Variants in SLC13A1 observed in about 807,000 individuals in gnomAD.
The protein encoded by SLC13A1 is Na(+)/sulfate cotransporter.
A neutral mutation model predicts 70.0 loss-of-function variants in SLC13A1; 65 were observed. The observed-to-expected ratio is 0.93, with a 90% CI of 0.76 to 1.14. The LOEUF (loss-of-function observed/expected upper bound fraction) is 1.14. Ranked by LOEUF, SLC13A1 falls within the 50% of genes most tolerant of loss-of-function variation. The pLI is 0.00. For synonymous variants in SLC13A1, 275 were observed against 250.5 expected (o/e 1.10, Z -0.92); for missense variants, 726 against 717.8 (o/e 1.01, Z -0.13).
chr7:123,150,472 T>C (rs945113157), intron 6 of SLC13A1, among the ~76,000 whole-genome samples: 2 of 152,138 alleles, frequency 1.3e-5, no homozygotes, highest in African/African-American at 4.8e-5. Flanking sequence ...GAGCCATCCT[T>C]ACAGAAGAAA....
intron 14 of SLC13A1, among the ~76,000 whole-genome samples, chr7:123,117,132 ATT>A (rs1563314339): frequency 6.6e-6 from 1 of 151,872 alleles, no homozygotes. Flanking sequence ...CTTTAACCCT[ATT>A]TTTTCCTTTT....
chr7:123,122,160 T>G (rs74748428), intron 12 of SLC13A1, among the ~76,000 whole-genome samples: 3 of 152,102 alleles, frequency 2.0e-5, no homozygotes, highest in Non-Finnish European at 4.4e-5. Flanking sequence ...CACATAACTC[T>G]GTGCAGAAAA....
At chr7:123,162,071 G>A (rs1794931964) in intron 6 of SLC13A1, among the ~76,000 whole-genome samples, 1 of 148,756 alleles carries the variant, frequency 6.7e-6, no homozygotes, top group African/African-American at 2.5e-5. Context: ...ATGCATAGGA[G>A]AACACTGTTG....
chr7:123,176,876 G>T (rs1470632053), intron 2 of SLC13A1, among the ~76,000 whole-genome samples: 1 of 152,046 alleles, frequency 6.6e-6, no homozygotes, highest in Non-Finnish European at 1.5e-5. Context: ...TAGCTATGCA[G>T]AGGTCAGTTC....
At chr7:123,159,681 G>T (rs1289685728) in intron 6 of SLC13A1, among the ~76,000 whole-genome samples, 1 of 152,054 alleles carries the variant, frequency 6.6e-6, no homozygotes, top group Non-Finnish European at 1.5e-5. Flanking sequence ...TGTGTGTGTA[G>T]CGTGAAATAA....
chr7:123,132,325 C>T (rs140330534), intron 8 of SLC13A1, among the ~76,000 whole-genome samples: 2 of 151,960 alleles, frequency 1.3e-5, no homozygotes, highest in African/African-American at 2.4e-5. Flanking sequence ...AGGCATGGAA[C>T]CCATGGCCAC....
At chr7:123,177,645 CTCT>C (rs1230964548) in intron 2 of SLC13A1, among the ~76,000 whole-genome samples, 1 of 152,028 alleles carries the variant, frequency 6.6e-6, no homozygotes, top group Non-Finnish European at 1.5e-5. Flanking sequence ...TGGGTGTTAC[CTCT>C]TCTGCAATAG....
rs28364173 is a variant in SLC13A1 at position 123,199,712 on chromosome 7, C to A, written c.99+136G>T. On this transcript the variant is annotated intron_variant, in intron 1 of 14. Coordinates refer to ENST00000194130, the MANE Select transcript of SLC13A1 (RefSeq NM_022444.4). ...GAGAAAATGGCCAAAACATCATGTA[C>A]AACCATCCTGACTTTAGGTATGAAG... is the stretch of plus-strand genomic sequence containing the variant. 1,836 of 628,108 alleles carry A rather than the reference C, an allele frequency of 2.9e-3. 34 individuals are homozygous for A. The African/African-American group carries it at 0.03, about 10-fold the overall frequency. The allele number at this position is 628,108 out of a possible 1,614,324, so 38.9% of individuals were successfully genotyped here.
chr7:123,149,793 C>G (rs749391096), intron 6 of SLC13A1, among the ~76,000 whole-genome samples: 1 of 152,166 alleles, frequency 6.6e-6, no homozygotes, highest in Non-Finnish European at 1.5e-5. Flanking sequence ...CCTTCAACTG[C>G]ACTGGCAAAT....
At chr7:123,146,774 C>T (rs998167797) in intron 7 of SLC13A1, among the ~76,000 whole-genome samples, 1 of 152,150 alleles carries the variant, frequency 6.6e-6, no homozygotes, top group Admixed American at 6.5e-5. Context: ...CTCTGTTCAC[C>T]ATTCATTACT....
chr7:123,182,503 C>T (rs1795671084), intron 1 of SLC13A1, among the ~76,000 whole-genome samples: 1 of 152,102 alleles, frequency 6.6e-6, no homozygotes, highest in Non-Finnish European at 1.5e-5. Context: ...CAAGACTATT[C>T]CAATATCAGG....
chr7:123,153,952 C>T (rs1794638286), intron 6 of SLC13A1, among the ~76,000 whole-genome samples: 1 of 151,910 alleles, frequency 6.6e-6, no homozygotes, highest in African/African-American at 2.4e-5. Context: ...GTATCTTCCA[C>T]CTTCTTGATA....
intron 5 of SLC13A1, 25 bp from the exon 6 acceptor site, chr7:123,168,447 TA>T: frequency 6.3e-7 from 1 of 1,584,294 alleles, no homozygotes; most frequent in Non-Finnish European, 8.6e-7. Flanking sequence ...GATCCAGTTA[TA>T]ATTTTATTAA....
intron 6 of SLC13A1, among the ~76,000 whole-genome samples, chr7:123,164,244 T>C (rs1795003180): frequency 6.6e-6 from 1 of 151,966 alleles, no homozygotes. Context: ...GTCTGCTAAA[T>C]ACAGAATTTA....
chr7:123,130,291 A>G (rs1793711062), intron 8 of SLC13A1, among the ~76,000 whole-genome samples: 1 of 152,204 alleles, frequency 6.6e-6, no homozygotes, highest in South Asian at 2.1e-4. Context: ...ACTATTCACA[A>G]TAGCAAAGAC....
chr7:123,149,892 C>A (rs575603607), intron 6 of SLC13A1, among the ~76,000 whole-genome samples: 1 of 152,126 alleles, frequency 6.6e-6, no homozygotes, highest in Non-Finnish European at 1.5e-5. Context: ...CCATGGTACA[C>A]CATTTCAATA....
intron 6 of SLC13A1, among the ~76,000 whole-genome samples, chr7:123,163,321 G>A (rs1336444874): frequency 1.3e-5 from 2 of 152,000 alleles, no homozygotes; most frequent in African/African-American, 4.8e-5. Flanking sequence ...GGGATTTATG[G>A]GCTTGGTAAC....
At chr7:123,159,590 C>T (rs1234522516) in intron 6 of SLC13A1, among the ~76,000 whole-genome samples, 1 of 152,092 alleles carries the variant, frequency 6.6e-6, no homozygotes, top group African/African-American at 2.4e-5. Flanking sequence ...TTTGTTATGG[C>T]AATCCTTGCT....
At position 123,125,663 on chromosome 7, in the gene SLC13A1, A is replaced by T; in HGVS notation, c.1146T>A (p.Phe382Leu). ...WSALFSEYPG[F>L]ATDSTVALLI... Reference sequence around the variant, plus strand: ...GTAAAGCAACAGTTGAATCTGTAGCAAAACCAGGGTACCTGTAAAAGGGAC... The same window carrying T: ...GTAAAGCAACAGTTGAATCTGTAGCTAAACCAGGGTACCTGTAAAAGGGAC... The change falls in exon 11 of 15, where the codon TTT becomes TTA. Residue 382 changes from phenylalanine to leucine, a missense_variant. By Grantham distance (22) the Phe-to-Leu change is conservative. Transcript: ENST00000194130. 1 of 1,612,110 alleles carries T rather than the reference A, an allele frequency of 6.2e-7. No individual in the cohort carries two copies. The highest frequency in any genetic ancestry group is 8.5e-7 in the Non-Finnish European group (1 of 1,178,972).
Sources: allele counts gnomAD v4.1 joint callset (sites outside exome capture counted in the v4.1 genomes callset), GRCh38; gene constraint gnomAD v4.1.1; transcripts MANE v1.5; gene names NCBI Gene and HGNC (gene_info 2026-07-23, HGNC 2026-07-21).